The following MMD variants were observed in gnomAD, a reference collection of about 807,000 sequenced individuals.
MMD encodes the protein monocyte to macrophage differentiation factor.
Under a neutral mutation model 33.6 loss-of-function variants are expected in MMD, and 22 were observed. The ratio of observed to expected loss-of-function variants is 0.66; its 90% CI spans 0.47 to 0.94. The LOEUF (loss-of-function observed/expected upper bound fraction) is 0.94. MMD is among the 40% of genes least tolerant of loss of function. The probability of loss-of-function intolerance (pLI) is 0.00; values close to 1 mark genes in which losing one functional copy is unlikely to be tolerated. For synonymous variants in MMD, 97 were observed against 103.2 expected (o/e 0.94, Z 0.36); for missense variants, 242 against 309.8 (o/e 0.78, Z 1.64).
intron 4 of MMD, among the ~76,000 whole-genome samples, chr17:55,407,542 A>C (rs1341024981): frequency 1.3e-5 from 2 of 152,150 alleles, no homozygotes; most frequent in African/African-American, 4.8e-5. Flanking sequence ...TATAAACAGC[A>C]GCAATATTCT....
chr17:55,401,529 C>G lies in MMD; in HGVS notation c.456G>C (p.Val152=), dbSNP rs1274222976. ...TTGTGAGATAGAAAAAGAGTTCAAC[C>G]ACCTTATATCTGCAGGAACAAAAAT... ...YVFLYHEKYK[V]VELFFYLTMG... Residue 152 remains valine (V), a synonymous_variant, in exon 6 of 7, where the codon GTG becomes GTC. Coordinates refer to ENST00000262065, the MANE Select transcript of MMD (RefSeq NM_012329.3). The G allele has an allele frequency of 6.2e-7, 1 of 1,609,984 alleles. No individual in the cohort carries two copies. The highest frequency in any genetic ancestry group is 2.2e-5 in the East Asian group (1 of 44,758).
intron 1 of MMD, among the ~76,000 whole-genome samples, chr17:55,419,650 TTCTCA>T (rs1908100477): frequency 1.3e-5 from 2 of 152,226 alleles, no homozygotes; most frequent in Admixed American, 6.5e-5. Flanking sequence ...AATCAGGACA[TTCTCA>T]TTACATTACT....
At chr17:55,417,583 G>C (rs1386048539) in intron 1 of MMD, among the ~76,000 whole-genome samples, 1 of 152,078 alleles carries the variant, frequency 6.6e-6, no homozygotes, top group East Asian at 1.9e-4. Flanking sequence ...TTGAGCCCAA[G>C]AGTTTAAGAC....
intron 4 of MMD, among the ~76,000 whole-genome samples, chr17:55,404,242 T>G (rs1460421986): frequency 6.6e-6 from 1 of 151,866 alleles, no homozygotes; most frequent in Non-Finnish European, 1.5e-5. Flanking sequence ...GTAATCCAAG[T>G]TGCTCGGGAG....
At position 55,414,643 on chromosome 17, in the gene MMD, T is replaced by C. The variant is rs117737172; in HGVS notation, c.27-411A>G. ...AAACGAATTTTTCTAAATTTTATTG[T>C]CATTTAGTGAAAAGGGATACACTAC... On this transcript the variant is annotated intron_variant, in intron 1 of 6. Coordinates refer to ENST00000262065, the MANE Select transcript of MMD (RefSeq NM_012329.3). Among the ~76,000 whole-genome samples, 319 of 152,018 alleles carry C rather than the reference T, an allele frequency of 2.1e-3. 3 individuals carry two copies. Among genetic ancestry groups the C allele is most frequent in the East Asian group, 0.016 (81 of 5,180 alleles).
intron 1 of MMD, among the ~76,000 whole-genome samples, chr17:55,417,577 G>C (rs887266058): frequency 2.6e-5 from 4 of 152,086 alleles, no homozygotes; most frequent in African/African-American, 4.8e-5. Context: ...GGTTGCTTGA[G>C]CCCAAGAGTT....
intron 1 of MMD, among the ~76,000 whole-genome samples, chr17:55,419,184 T>C (rs1049067660): frequency 6.6e-6 from 1 of 152,236 alleles, no homozygotes; most frequent in African/African-American, 2.4e-5. Context: ...AGAGTTATAG[T>C]TGAGGATGAG....
chr17:55,404,868 C>G (rs1002985047), intron 4 of MMD: 1 of 481,052 alleles, frequency 2.1e-6, no homozygotes, highest in Middle Eastern at 1.1e-3. Flanking sequence ...TCAAGACCAG[C>G]CTGGCCAACA....
At chr17:55,415,353 G>A (rs1054220784) in intron 1 of MMD, among the ~76,000 whole-genome samples, 1 of 152,066 alleles carries the variant, frequency 6.6e-6, no homozygotes, top group Non-Finnish European at 1.5e-5. Flanking sequence ...TCTGTAAGAC[G>A]TCAACAGGCT....
intron 3 of MMD, among the ~76,000 whole-genome samples, chr17:55,409,890 C>A (rs1907696993): frequency 6.6e-6 from 1 of 152,146 alleles, no homozygotes; most frequent in Non-Finnish European, 1.5e-5. Context: ...GGCCTCTGGG[C>A]GCTGCGACAG....
At chr17:55,409,270 G>A (rs1907673222) in intron 3 of MMD, among the ~76,000 whole-genome samples, 1 of 152,196 alleles carries the variant, frequency 6.6e-6, no homozygotes, top group Admixed American at 6.5e-5. Context: ...CTCCAGTTCA[G>A]AAGATTCTGA....
intron 2 of MMD, among the ~76,000 whole-genome samples, chr17:55,413,863 G>A (rs1024773449): frequency 6.6e-6 from 1 of 152,154 alleles, no homozygotes; most frequent in South Asian, 2.1e-4. Context: ...TCATAAATAG[G>A]TGTCTTTGGT....
At chr17:55,398,656 T>C (rs1907214762) in intron 6 of MMD, among the ~76,000 whole-genome samples, 1 of 152,210 alleles carries the variant, frequency 6.6e-6, no homozygotes, top group African/African-American at 2.4e-5. Context: ...TTGAGTTTTG[T>C]TCTGTTAGGC....
At chr17:55,400,556 G>GAAA (rs11371752) in intron 6 of MMD, among the ~76,000 whole-genome samples, 103 of 144,678 alleles carry the variant, frequency 7.1e-4, no homozygotes, top group African/African-American at 2.3e-3. Flanking sequence ...TCAAAAAAAA[G>GAAA]AAAAAAAAAA....
chr17:55,410,513 TTCAC>T (rs879596763), intron 3 of MMD, among the ~76,000 whole-genome samples: 6 of 152,196 alleles, frequency 3.9e-5, no homozygotes, highest in Admixed American at 1.3e-4. Flanking sequence ...AAATCAATCC[TTCAC>T]TCAGAGGAGG....
intron 1 of MMD, among the ~76,000 whole-genome samples, chr17:55,418,627 G>C (rs1470611076): frequency 6.6e-6 from 1 of 152,168 alleles, no homozygotes; most frequent in Non-Finnish European, 1.5e-5. Flanking sequence ...CTTTATGACT[G>C]AGCATATTTG....
intron 6 of MMD, 138 bp from the exon 7 acceptor site, chr17:55,394,672 C>T: frequency 1.4e-6 from 1 of 738,608 alleles, no homozygotes; most frequent in Non-Finnish European, 1.9e-6. Flanking sequence ...GATCTGTAAA[C>T]ATGAACCAAA....
rs1907026503 is a variant in MMD at position 55,394,441 on chromosome 17, C to A, written c.610G>T (p.Ala204Ser). 2 of 1,533,912 alleles carry A rather than the reference C, an allele frequency of 1.3e-6. No individual in the cohort carries two copies. Among genetic ancestry groups the A allele is most frequent in the Non-Finnish European group, 1.7e-6 (2 of 1,145,658 alleles). The change falls in exon 7 of 7, where the codon GCC (alanine) becomes TCC (serine). Residue 204 changes from alanine to serine, a missense_variant. Coordinates refer to ENST00000262065, the MANE Select transcript of MMD (RefSeq NM_012329.3). Reference sequence around the variant, plus strand: ...ACAAACAGGTGCCAGATGGCGTGGGCAAATGGAATGATGCCATCACTCTTG... The same window carrying A: ...ACAAACAGGTGCCAGATGGCGTGGGAAAATGGAATGATGCCATCACTCTTG... ...FFKSDGIIPF[A>S]HAIWHLFVAT... is the part of the protein sequence containing the mutation.
chr17:55,410,398 G>C (rs1185869215), intron 3 of MMD, among the ~76,000 whole-genome samples: 1 of 152,310 alleles, frequency 6.6e-6, no homozygotes, highest in African/African-American at 2.4e-5. Flanking sequence ...ATTGCTCATA[G>C]TCTGCTCTGA....
Sources: allele counts gnomAD v4.1 joint callset (sites outside exome capture counted in the v4.1 genomes callset), GRCh38; gene constraint gnomAD v4.1.1; transcripts MANE v1.5; gene names NCBI Gene and HGNC (gene_info 2026-07-23, HGNC 2026-07-21).